Variants in IGSF9 observed in about 807,000 individuals in gnomAD.
IGSF9 encodes the protein immunoglobulin superfamily member 9, also known as protein turtle homolog A.
In IGSF9, 87 loss-of-function variants were observed where a neutral mutation model predicts 121.7. The ratio of observed to expected loss-of-function variants is 0.71; its 90% CI spans 0.60 to 0.85. The LOEUF (loss-of-function observed/expected upper bound fraction) is 0.85, where lower values mean the gene tolerates loss of function less well. Among genes scored for constraint, IGSF9 ranks in the 40% least tolerant of loss-of-function variants. The pLI is 0.00. For synonymous variants in IGSF9, 640 were observed against 648.4 expected, an observed-to-expected ratio of 0.99 and a Z score of 0.20; for missense variants, 1,462 against 1,565.3, an observed-to-expected ratio of 0.93 and a Z score of 1.11.
chr1:159,945,383 G>C (rs1285514485), intron 1 of IGSF9, among the ~76,000 whole-genome samples, 190 bp downstream of exon 1: 1 of 150,238 alleles, frequency 6.7e-6, no homozygotes, highest in Non-Finnish European at 1.5e-5. Flanking sequence ...ATTGCCTCCA[G>C]AACTCCTGCA....
At chr1:159,937,955 G>A in intron 3 of IGSF9, 117 bp from the exon 4 acceptor site, 2 of 1,128,266 alleles carry the variant, frequency 1.8e-6, no homozygotes, top group Non-Finnish European at 2.5e-6. Flanking sequence ...CAGTTACTCT[G>A]AGTGTGGGGT....
Position 159,936,583 on chromosome 1 carries a change from T to G in IGSF9, c.556-67A>C. On this transcript the variant is annotated intron_variant, in intron 5 of 20. Transcript: ENST00000368094. ...GCCTCAGATCCTGCACTTCCGAGTT[T>G]GGCCAGCAGAGGGAGGCAGCACCCC... 4 of 1,559,722 alleles carry G rather than the reference T, an allele frequency of 2.6e-6. No individual in the cohort carries two copies. In the South Asian group the frequency reaches 4.6e-5, roughly 18 times the overall value.
Position 159,934,520 on chromosome 1 carries a change from AGCAG to A in IGSF9, c.862_865del (p.Leu288TrpfsTer37), listed in dbSNP as rs1651116559. On this transcript the variant is annotated frameshift_variant, in exon 8 of 21. Coordinates refer to ENST00000368094, the MANE Select transcript of IGSF9 (RefSeq NM_001135050.2). LOFTEE classifies it high-confidence loss of function. Reference sequence around the variant, plus strand: ...GCCGGCATCATCAGGCTGGGTGGCCAGCAGCCGCAGGCTCCCGTCCACCAGGATC... The same window carrying A: ...GCCGGCATCATCAGGCTGGGTGGCCACCGCAGGCTCCCGTCCACCAGGATC... The A allele has an allele frequency of 2.0e-5, 32 of 1,613,364 alleles. No homozygotes were observed. The highest frequency in any genetic ancestry group is 2.5e-5 in the Non-Finnish European group (30 of 1,179,712).
intron 1 of IGSF9, among the ~76,000 whole-genome samples, chr1:159,944,519 C>T (rs1313370171): frequency 2.0e-5 from 3 of 152,164 alleles, no homozygotes; most frequent in Admixed American, 1.3e-4. Context: ...CCAATATCTT[C>T]GGGGTGCCAG....
chr1:159,927,644 C>G, intron 20 of IGSF9, 116 bp downstream of exon 20: 4 of 1,546,102 alleles, frequency 2.6e-6, no homozygotes, highest in Non-Finnish European at 3.5e-6. Context: ...AAGGCACAGT[C>G]TAGAGCAGAG....
intron 19 of IGSF9, 120 bp downstream of exon 19, chr1:159,928,038 A>C: frequency 6.7e-7 from 1 of 1,487,286 alleles, no homozygotes; most frequent in Non-Finnish European, 9.0e-7. Flanking sequence ...TCTAAAAGGG[A>C]CAAGTTTTCC....
intron 13 of IGSF9, 22 bp from the exon 14 acceptor site, chr1:159,930,889 G>C (rs1285096113): frequency 6.3e-7 from 1 of 1,578,892 alleles, no homozygotes; most frequent in Non-Finnish European, 8.6e-7. Flanking sequence ...GAGGACATGG[G>C]GGGCACCTCG....
chr1:159,929,453 ACT>A (rs1650891044), intron 17 of IGSF9, 60 bp from the exon 18 acceptor site: 4 of 1,590,918 alleles, frequency 2.5e-6, no homozygotes, highest in Admixed American at 1.7e-5. Context: ...CTAGGCGGAG[ACT>A]CTCTCACCCA....
chr1:159,941,110 G>GGTT (rs1651360827), intron 3 of IGSF9, among the ~76,000 whole-genome samples: 1 of 151,984 alleles, frequency 6.6e-6, no homozygotes, highest in African/African-American at 2.4e-5. Context: ...TCTACTAGAT[G>GGTT]CTTCTAGAGT....
At chr1:159,945,218 T>G in intron 1 of IGSF9, among the ~76,000 whole-genome samples, 1 of 143,378 alleles carries the variant, frequency 7.0e-6, no homozygotes, top group Non-Finnish European at 1.5e-5. Context: ...CTTCTCCCCA[T>G]CCTCTCCTCC....
intron 3 of IGSF9, among the ~76,000 whole-genome samples, chr1:159,938,997 G>A (rs1453836176): frequency 6.6e-6 from 1 of 152,022 alleles, no homozygotes; most frequent in Non-Finnish European, 1.5e-5. Flanking sequence ...ACCTTATCAG[G>A]AACCTGGCAT....
rs748635594 is a variant in IGSF9, at chr1:159,937,764, A to G, written c.322T>C (p.Cys108Arg). 6.2e-7 allele frequency: 1 copy of G among 1,613,858 alleles called. No individual in the cohort carries two copies. The highest frequency in any genetic ancestry group is 8.5e-7 in the Non-Finnish European group (1 of 1,179,964). The change falls in exon 4 of 21, where the codon TGC (cysteine) becomes CGC (arginine). Residue 108 changes from cysteine to arginine, a missense_variant. Physicochemically the swap from Cys to Arg is radical, Grantham distance 180. This residue lies in a region of IGSF9 where 558 missense variants were observed against 599.4 expected (regional missense o/e 0.93). Coordinates refer to ENST00000368094, the MANE Select transcript of IGSF9 (RefSeq NM_001135050.2). ...LRVEDQGWYE[C>R]RVFFLDQHIP... ...TGCTGGTCCAGGAAGAACACGCGGCACTCGTACCAGCCCTGGTCTTCCACC... is the reference window on the plus strand; with the variant it reads ...TGCTGGTCCAGGAAGAACACGCGGCGCTCGTACCAGCCCTGGTCTTCCACC...
Position 159,930,788 on chromosome 1 carries a change from C to T in IGSF9, c.1717G>A (p.Gly573Arg), listed in dbSNP as rs1455067409. 2.5e-6 allele frequency: 4 copies of T among 1,614,124 alleles called. No individual in the cohort carries two copies. Among genetic ancestry groups the T allele is most frequent in the Non-Finnish European group, 3.4e-6 (4 of 1,179,984 alleles). Residue 573 changes from glycine (G) to arginine (R), a missense_variant, in exon 14 of 21, where the codon GGG (glycine) becomes AGG (arginine). Gly to Arg is a moderately radical substitution (Grantham distance 125). Coordinates refer to ENST00000368094, the MANE Select transcript of IGSF9 (RefSeq NM_001135050.2). Reference protein sequence around the residue: ...PVGAAHLLVPGLQPHTQYQFS... With the variant: ...PVGAAHLLVPRLQPHTQYQFS... ...TGGTACTGGGTGTGGGGCTGCAGCC[C>T]TGGCACTAGGAGGTGAGCAGCCCCC...
At chr1:159,938,244 C>T (rs1298681924) in intron 3 of IGSF9, among the ~76,000 whole-genome samples, 2 of 152,104 alleles carry the variant, frequency 1.3e-5, no homozygotes, top group Non-Finnish European at 2.9e-5. Context: ...GGGAGTACTC[C>T]TGATAGAGGA....
intron 3 of IGSF9, among the ~76,000 whole-genome samples, chr1:159,941,180 G>C (rs1421579159): frequency 6.6e-6 from 1 of 152,142 alleles, no homozygotes; most frequent in East Asian, 1.9e-4. Flanking sequence ...CTCTCTCAGG[G>C]TTCCGCACAC....
intron 3 of IGSF9, among the ~76,000 whole-genome samples, chr1:159,939,522 G>A (rs1046120669): frequency 1.3e-5 from 2 of 152,080 alleles, no homozygotes; most frequent in Non-Finnish European, 2.9e-5. Context: ...ACTGTGCCTG[G>A]CTGCATTTTC....
At position 159,929,814 on chromosome 1, in the gene IGSF9, C is replaced by G. The variant is rs1157892416; in HGVS notation, c.2150G>C (p.Gly717Ala). The G allele has an allele frequency of 6.2e-7, 1 of 1,603,794 alleles. No individual in the cohort carries two copies. The highest frequency in any genetic ancestry group is 1.3e-5 in the African/African-American group (1 of 74,786). ...PSNTANVSTS[G>A]LEVYPSRTQL... is the part of the protein sequence containing the mutation. ...CGTGCGCGAAGGGTAGACCTCCAGA[C>G]CTAGGCAGGGGTCCACGAGGGAGGG... Residue 717 changes from glycine to alanine, a missense_variant and splice_region_variant, in exon 17 of 21, where the codon GGT becomes GCT. Transcript: ENST00000368094.
intron 3 of IGSF9, among the ~76,000 whole-genome samples, chr1:159,940,210 T>C (rs922480553): frequency 6.6e-6 from 1 of 152,230 alleles, no homozygotes; most frequent in African/African-American, 2.4e-5. Context: ...ACACGGGTGT[T>C]AGGACCGAGT....
At position 159,932,643 on chromosome 1, in the gene IGSF9, A is replaced by G; in HGVS notation, c.1114T>C (p.Trp372Arg). The change falls in exon 10 of 21, where the codon TGG (tryptophan) becomes CGG (arginine). Residue 372 changes from tryptophan (W) to arginine (R), a missense_variant. Transcript: ENST00000368094. The surrounding 1 kb of genome is among the most constrained non-coding windows in gnomAD (Gnocchi z 4.1). ...AGTGAGCCTTCTGTGCCCTGGGACC[A>G]GCCAGGGAACTGGAAGGAAGAGAAG... is the stretch of plus-strand genomic sequence containing the variant. The part of the protein sequence containing the change: ...KALQLDKFPG[W>R]SQGTEGSLII... 1 of 1,611,840 alleles carries G rather than the reference A, an allele frequency of 6.2e-7. No homozygotes were observed.
Sources: gnomAD v4.1 joint callset for allele counts (sites outside exome capture counted in the v4.1 genomes callset) on GRCh38, gnomAD v4.1.1 for gene constraint, gnomAD v4.1.1 regional missense constraint, Gnocchi (gnomAD v3.1) non-coding constraint, MANE v1.5 for transcripts, NCBI Gene and HGNC (gene_info 2026-07-23, HGNC 2026-07-21) for gene names.